Variants in ADRB1 observed in about 807,000 individuals in gnomAD.
The protein encoded by ADRB1 is adrenoceptor beta 1.
For synonymous variants in ADRB1, 365 were observed against 347.2 expected (o/e 1.05, Z -0.57); for missense variants, 635 against 709.1 (o/e 0.90, Z 1.19).
In ADRB1 at chr10:114,044,827, C is replaced by T. The variant is rs1847536721; in HGVS notation, c.695C>T (p.Ser232Phe). The T allele has an allele frequency of 6.2e-7, 1 of 1,613,762 alleles. No homozygotes were observed. Among genetic ancestry groups the T allele is most frequent in the Non-Finnish European group, 8.5e-7 (1 of 1,179,932 alleles). ...TACGCCATCGCCTCGTCCGTAGTCT[C>T]CTTCTACGTGCCCCTGTGCATCATG... ...RAYAIASSVV[S>F]FYVPLCIMAF... is the part of the protein sequence containing the mutation. Residue 232 changes from serine to phenylalanine, a missense_variant, in exon 1 of 1, where the codon TCC becomes TTC. Transcript: ENST00000369295. This position sits in a 1 kb window ranked among gnomAD's most constrained non-coding sequence, Gnocchi z 7.8.
In ADRB1 at chr10:114,044,907, G is replaced by T; in HGVS notation, c.775G>T (p.Asp259Tyr). The change falls in exon 1 of 1, where the codon GAC becomes TAC. Residue 259 changes from aspartate to tyrosine, a missense_variant. By Grantham distance (160) the Asp-to-Tyr change is radical. Coordinates refer to ENST00000369295, the MANE Select transcript of ADRB1 (RefSeq NM_000684.3). This position sits in a 1 kb window ranked among gnomAD's most constrained non-coding sequence, Gnocchi z 7.8. ...GGCCCAGAAGCAGGTGAAGAAGATC[G>T]ACAGCTGCGAGCGCCGTTTCCTCGG... Reference protein sequence around the residue: ...REAQKQVKKIDSCERRFLGGP... With the variant: ...REAQKQVKKIYSCERRFLGGP... 2.5e-6 allele frequency: 4 copies of T among 1,595,704 alleles called. No homozygotes were observed. Among genetic ancestry groups the T allele is most frequent in the Non-Finnish European group, 3.4e-6 (4 of 1,169,296 alleles).
chr10:114,045,024 A>ACCGCCC lies in ADRB1; in HGVS notation c.894_899dup (p.Ala299_Pro300dup). On this transcript the variant is annotated inframe_insertion, in exon 1 of 1. Coordinates refer to ENST00000369295, the MANE Select transcript of ADRB1 (RefSeq NM_000684.3). ...CCCGCGCCCCGCCGCCGCCGCCGCC[A>ACCGCCC]CCGCCCCGCTGGCCAACGGGCGTGC... 1.7e-6 allele frequency: 2 copies of ACCGCCC among 1,152,684 alleles called. No individual in the cohort carries two copies. Among genetic ancestry groups the ACCGCCC allele is most frequent in the Non-Finnish European group, 2.1e-6 (2 of 936,888 alleles). The allele number at this position is 1,152,684 out of a possible 1,614,324, so 71.4% of individuals were successfully genotyped here. A position where few individuals can be genotyped will look rare whatever the true frequency, so the allele number is the denominator to read the frequency against.
In ADRB1 at chr10:114,044,870, G is replaced by T. The variant is rs1020855642; in HGVS notation, c.738G>T (p.Arg246=). 1 of 1,613,064 alleles carries T rather than the reference G, an allele frequency of 6.2e-7. No individual in the cohort carries two copies. Among genetic ancestry groups the T allele is most frequent in the Non-Finnish European group, 8.5e-7 (1 of 1,179,736 alleles). ...GCATCATGGCCTTCGTGTACCTGCGGGTGTTCCGCGAGGCCCAGAAGCAGG... is the reference window on the plus strand; with the variant it reads ...GCATCATGGCCTTCGTGTACCTGCGTGTGTTCCGCGAGGCCCAGAAGCAGG... ...PLCIMAFVYL[R]VFREAQKQVK... is the part of the protein sequence containing the mutation. The change falls in exon 1 of 1, where the codon CGG becomes CGT. Residue 246 remains arginine, a synonymous_variant. Transcript: ENST00000369295. This position sits in a 1 kb window ranked among gnomAD's most constrained non-coding sequence, Gnocchi z 7.8.
rs765497186 is a variant in ADRB1 at position 114,044,821 on chromosome 10, T to C, written c.689T>C (p.Val230Ala). 281 of 1,613,746 alleles carry C rather than the reference T, an allele frequency of 1.7e-4. No individual in the cohort carries two copies. The highest frequency in any genetic ancestry group is 2.1e-4 in the Non-Finnish European group (253 of 1,179,932). Reference protein sequence around the residue: ...TNRAYAIASSVVSFYVPLCIM... With the variant: ...TNRAYAIASSAVSFYVPLCIM... ...CGGGCCTACGCCATCGCCTCGTCCG[T>C]AGTCTCCTTCTACGTGCCCCTGTGC... Residue 230 changes from valine (V) to alanine (A), a missense_variant, in exon 1 of 1, where the codon GTA becomes GCA. Transcript: ENST00000369295. The surrounding 1 kb of genome is among the most constrained non-coding windows in gnomAD (Gnocchi z 7.8).
chr10:114,044,983 C>T lies in ADRB1; in HGVS notation c.851C>T (p.Ala284Val). 9.2e-7 allele frequency: 1 copy of T among 1,087,724 alleles called. No homozygotes were observed. Among genetic ancestry groups the T allele is most frequent in the South Asian group, 4.3e-5 (1 of 23,174 alleles). The allele number at this position is 1,087,724 out of a possible 1,614,324, so 67.4% of individuals were successfully genotyped here. ...TCGCCCTCGCCCGTCCCCGCGCCCG[C>T]GCCGCCGCCCGGACCCCCGCGCCCC... ...SPSPSPVPAP[A>V]PPPGPPRPAA... The change falls in exon 1 of 1, where the codon GCG becomes GTG. Residue 284 changes from alanine (A) to valine (V), a missense_variant. Ala to Val is a moderately conservative substitution (Grantham distance 64, BLOSUM62 0). Coordinates refer to ENST00000369295, the MANE Select transcript of ADRB1 (RefSeq NM_000684.3). The surrounding 1 kb of genome is among the most constrained non-coding windows in gnomAD (Gnocchi z 7.8).
In ADRB1 at chr10:114,044,594, G is replaced by C; in HGVS notation, c.462G>C (p.Leu154=). 6.2e-7 allele frequency: 1 copy of C among 1,613,540 alleles called. No homozygotes were observed. Among genetic ancestry groups the C allele is most frequent in the Non-Finnish European group, 8.5e-7 (1 of 1,179,958 alleles). ...ASIETLCVIA[L]DRYLAITSPF... is the part of the protein sequence containing the mutation. ...TCGAGACCCTGTGTGTCATTGCCCT[G>C]GACCGCTACCTCGCCATCACCTCGC... is the stretch of plus-strand genomic sequence containing the variant. Residue 154 remains leucine, a synonymous_variant, in exon 1 of 1, where the codon CTG becomes CTC. Coordinates refer to ENST00000369295, the MANE Select transcript of ADRB1 (RefSeq NM_000684.3). The surrounding 1 kb of genome is among the most constrained non-coding windows in gnomAD (Gnocchi z 7.8).
Position 114,044,291 on chromosome 10 carries a change from G to C in ADRB1, c.159G>C (p.Leu53=), listed in dbSNP as rs1348353131. The C allele has an allele frequency of 3.1e-6, 5 of 1,588,874 alleles. No homozygotes were observed. The highest frequency in any genetic ancestry group is 4.3e-6 in the Non-Finnish European group (5 of 1,173,920). ...CCGCCAGCGAAAGCCCCGAGCCGCT[G>C]TCTCAGCAGTGGACAGCGGGCATGG... ...LPPASESPEP[L]SQQWTAGMGL... The change falls in exon 1 of 1, where the codon CTG becomes CTC. Residue 53 remains leucine, a synonymous_variant. Coordinates refer to ENST00000369295, the MANE Select transcript of ADRB1 (RefSeq NM_000684.3). This position sits in a 1 kb window ranked among gnomAD's most constrained non-coding sequence, Gnocchi z 7.8.
At position 114,044,923 on chromosome 10, in the gene ADRB1, G is replaced by A. The variant is rs1847537805; in HGVS notation, c.791G>A (p.Arg264His). Residue 264 changes from arginine (R) to histidine (H), a missense_variant, in exon 1 of 1, where the codon CGT becomes CAT. Coordinates refer to ENST00000369295, the MANE Select transcript of ADRB1 (RefSeq NM_000684.3). The surrounding 1 kb of genome is among the most constrained non-coding windows in gnomAD (Gnocchi z 7.8). The stretch of plus-strand genomic sequence containing the variant: ...AAGAAGATCGACAGCTGCGAGCGCC[G>A]TTTCCTCGGCGGCCCAGCGCGGCCG... The part of the protein sequence containing the change: ...QVKKIDSCER[R>H]FLGGPARPPS... 1.3e-6 allele frequency: 2 copies of A among 1,576,014 alleles called. No homozygotes were observed. The highest frequency in any genetic ancestry group is 3.6e-5 in the Admixed American group (2 of 55,824).
At position 114,045,659 on chromosome 10, in the gene ADRB1, C is replaced by T. The variant is rs1847552597; in HGVS notation, c.*93C>T. On this transcript the variant is annotated 3_prime_UTR_variant, in exon 1 of 1. Coordinates refer to ENST00000369295, the MANE Select transcript of ADRB1 (RefSeq NM_000684.3). Reference sequence around the variant, plus strand: ...AGACCGATAGCAGGTGAACTCGAAGCCCACAATCCTCGTCTGAATCATCCG... The same window carrying T: ...AGACCGATAGCAGGTGAACTCGAAGTCCACAATCCTCGTCTGAATCATCCG... 8.8e-7 allele frequency: 1 copy of T among 1,141,726 alleles called. No individual in the cohort carries two copies. The highest frequency in any genetic ancestry group is 1.1e-6 in the Non-Finnish European group (1 of 893,686). 70.7% of individuals were successfully genotyped at this position (1,141,726 alleles called of 1,614,324 possible).
Position 114,043,969 on chromosome 10 carries a change from C to G in ADRB1, c.-164C>G. 2.3e-6 allele frequency: 1 copy of G among 432,016 alleles called. No individual in the cohort carries two copies. Among genetic ancestry groups the G allele is most frequent in the Non-Finnish European group, 3.4e-6 (1 of 291,048 alleles). 26.8% of individuals were successfully genotyped at this position (432,016 alleles called of 1,614,324 possible). The stretch of plus-strand genomic sequence containing the variant: ...CAGCGGCAGCGACAGCGCTCGGCTC[C>G]TGCGGGAAAGGCGCCCGGCGCCCAT... On this transcript the variant is annotated 5_prime_UTR_variant, in exon 1 of 1. Coordinates refer to ENST00000369295, the MANE Select transcript of ADRB1 (RefSeq NM_000684.3).
In ADRB1 at chr10:114,044,599, G is replaced by A; in HGVS notation, c.467G>A (p.Arg156His). 1 of 1,613,380 alleles carries A rather than the reference G, an allele frequency of 6.2e-7. No homozygotes were observed. The highest frequency in any genetic ancestry group is 8.5e-7 in the Non-Finnish European group (1 of 1,179,936). Reference sequence around the variant, plus strand: ...ACCCTGTGTGTCATTGCCCTGGACCGCTACCTCGCCATCACCTCGCCCTTC... The same window carrying A: ...ACCCTGTGTGTCATTGCCCTGGACCACTACCTCGCCATCACCTCGCCCTTC... ...IETLCVIALD[R>H]YLAITSPFRY... Residue 156 changes from arginine (R) to histidine (H), a missense_variant, in exon 1 of 1, where the codon CGC (arginine) becomes CAC (histidine). By Grantham distance (29) the Arg-to-His change is conservative. Coordinates refer to ENST00000369295, the MANE Select transcript of ADRB1 (RefSeq NM_000684.3). This position sits in a 1 kb window ranked among gnomAD's most constrained non-coding sequence, Gnocchi z 7.8.
Position 114,044,322 on chromosome 10 carries a change from C to T in ADRB1, c.190C>T (p.Leu64=), listed in dbSNP as rs1203958828. The change falls in exon 1 of 1, where the codon CTG becomes TTG. Residue 64 remains leucine, a synonymous_variant. Coordinates refer to ENST00000369295, the MANE Select transcript of ADRB1 (RefSeq NM_000684.3). This position sits in a 1 kb window ranked among gnomAD's most constrained non-coding sequence, Gnocchi z 7.8. Reference sequence around the variant, plus strand: ...GCAGTGGACAGCGGGCATGGGTCTGCTGATGGCGCTCATCGTGCTGCTCAT... The same window carrying T: ...GCAGTGGACAGCGGGCATGGGTCTGTTGATGGCGCTCATCGTGCTGCTCAT... ...SQQWTAGMGL[L]MALIVLLIVA... The T allele has an allele frequency of 1.9e-6, 3 of 1,599,038 alleles. No individual in the cohort carries two copies. The highest frequency in any genetic ancestry group is 1.7e-5 in the Admixed American group (1 of 59,648).
At position 114,044,816 on chromosome 10, in the gene ADRB1, G is replaced by T. The variant is rs1462591954; in HGVS notation, c.684G>T (p.Ser228=). The T allele has an allele frequency of 1.9e-6, 3 of 1,613,872 alleles. No individual in the cohort carries two copies. The Admixed American group carries it at 5.0e-5, about 27-fold the overall frequency. ...FVTNRAYAIA[S]SVVSFYVPLC... ...CCAACCGGGCCTACGCCATCGCCTC[G>T]TCCGTAGTCTCCTTCTACGTGCCCC... The change falls in exon 1 of 1, where the codon TCG becomes TCT. Residue 228 remains serine, a synonymous_variant. Transcript: ENST00000369295. This position sits in a 1 kb window ranked among gnomAD's most constrained non-coding sequence, Gnocchi z 7.8.
In ADRB1 at chr10:114,044,618, G is replaced by A; in HGVS notation, c.486G>A (p.Ser162=). ...IALDRYLAIT[S]PFRYQSLLTR... ...TGGACCGCTACCTCGCCATCACCTCGCCCTTCCGCTACCAGAGCCTGCTGA... is the reference window on the plus strand; with the variant it reads ...TGGACCGCTACCTCGCCATCACCTCACCCTTCCGCTACCAGAGCCTGCTGA... Residue 162 remains serine (S), a synonymous_variant, in exon 1 of 1, where the codon TCG becomes TCA. Coordinates refer to ENST00000369295, the MANE Select transcript of ADRB1 (RefSeq NM_000684.3). This position sits in a 1 kb window ranked among gnomAD's most constrained non-coding sequence, Gnocchi z 7.8. 1 of 1,613,272 alleles carries A rather than the reference G, an allele frequency of 6.2e-7. No homozygotes were observed. The highest frequency in any genetic ancestry group is 1.1e-5 in the South Asian group (1 of 91,086).
rs34635547 is a variant in ADRB1 at position 114,045,800 on chromosome 10, C to CTTTTT, written c.*252_*256dup. The CTTTTT allele has an allele frequency of 2.0e-3, 233 of 118,672 alleles. No homozygotes were observed. Among genetic ancestry groups the CTTTTT allele is most frequent in the African/African-American group, 3.7e-3 (76 of 20,702 alleles). The allele number at this position is 118,672 out of a possible 1,614,324, so 7.4% of individuals were successfully genotyped here. On this transcript the variant is annotated 3_prime_UTR_variant, in exon 1 of 1. Transcript: ENST00000369295. ...TTTTTCTTTTCTTTTCTTTCTTCTT[C>CTTTTT]TTTTTTTTTTTTTTTTTTTTTTCTG...
At position 114,044,470 on chromosome 10, in the gene ADRB1, C is replaced by T; in HGVS notation, c.338C>T (p.Pro113Leu). The T allele has an allele frequency of 6.2e-7, 1 of 1,613,400 alleles. No homozygotes were observed. Among genetic ancestry groups the T allele is most frequent in the Non-Finnish European group, 8.5e-7 (1 of 1,179,950 alleles). ...ADLVMGLLVVPFGATIVVWGR... is the reference protein window; with the variant it reads ...ADLVMGLLVVLFGATIVVWGR... ...CTGGTCATGGGGCTGCTGGTGGTGCCGTTCGGGGCCACCATCGTGGTGTGG... is the reference window on the plus strand; with the variant it reads ...CTGGTCATGGGGCTGCTGGTGGTGCTGTTCGGGGCCACCATCGTGGTGTGG... Residue 113 changes from proline (P) to leucine (L), a missense_variant, in exon 1 of 1, where the codon CCG becomes CTG. Transcript: ENST00000369295. This position sits in a 1 kb window ranked among gnomAD's most constrained non-coding sequence, Gnocchi z 7.8.
rs879056623 is a variant in ADRB1 at position 114,043,939 on chromosome 10, GGCGGCA to G, written c.-184_-179del. The stretch of plus-strand genomic sequence containing the variant: ...CAGCAGCAGCGGCGGCGGCGGCGGC[GGCGGCA>G]GCGGCAGCGACAGCGCTCGGCTCCT... On this transcript the variant is annotated 5_prime_UTR_variant, in exon 1 of 1. Coordinates refer to ENST00000369295, the MANE Select transcript of ADRB1 (RefSeq NM_000684.3). 3.9e-4 allele frequency: 108 copies of G among 277,030 alleles called. 1 individual carries two copies. The South Asian group carries it at 0.012, about 30-fold the overall frequency. 17.2% of individuals were successfully genotyped at this position (277,030 alleles called of 1,614,324 possible).
Position 114,044,766 on chromosome 10 carries a change from G to A in ADRB1, c.634G>A (p.Asp212Asn), listed in dbSNP as rs748009593. The change falls in exon 1 of 1, where the codon GAC becomes AAC. Residue 212 changes from aspartate (D) to asparagine (N), a missense_variant. Transcript: ENST00000369295. This position sits in a 1 kb window ranked among gnomAD's most constrained non-coding sequence, Gnocchi z 7.8. The stretch of plus-strand genomic sequence containing the variant: ...CGACGAGGCGCGCCGCTGCTACAAC[G>A]ACCCCAAGTGCTGCGACTTCGTCAC... ...ESDEARRCYN[D>N]PKCCDFVTNR... 2 of 1,613,182 alleles carry A rather than the reference G, an allele frequency of 1.2e-6. No homozygotes were observed. The highest frequency in any genetic ancestry group is 1.1e-5 in the South Asian group (1 of 91,086).
Position 114,044,512 on chromosome 10 carries a change from G to A in ADRB1, c.380G>A (p.Gly127Asp), listed in dbSNP as rs775314065. The change falls in exon 1 of 1, where the codon GGC (glycine) becomes GAC (aspartate). Residue 127 changes from glycine to aspartate, a missense_variant. Transcript: ENST00000369295. The surrounding 1 kb of genome is among the most constrained non-coding windows in gnomAD (Gnocchi z 7.8). Reference protein sequence around the residue: ...TIVVWGRWEYGSFFCELWTSV... With the variant: ...TIVVWGRWEYDSFFCELWTSV... Reference sequence around the variant, plus strand: ...GTGGTGTGGGGCCGCTGGGAGTACGGCTCCTTCTTCTGCGAGCTGTGGACC... The same window carrying A: ...GTGGTGTGGGGCCGCTGGGAGTACGACTCCTTCTTCTGCGAGCTGTGGACC... 5.0e-5 allele frequency: 81 copies of A among 1,613,572 alleles called. No homozygotes were observed. The highest frequency in any genetic ancestry group is 6.1e-5 in the Non-Finnish European group (72 of 1,179,982).
Sources: gnomAD v4.1 joint callset for allele counts on GRCh38, gnomAD v4.1.1 for gene constraint, Gnocchi (gnomAD v3.1) non-coding constraint, MANE v1.5 for transcripts, NCBI Gene and HGNC (gene_info 2026-07-23, HGNC 2026-07-21) for gene names.